CADM2: variants seen among roughly 807,000 people sequenced by gnomAD.
The protein encoded by CADM2 is cell adhesion molecule 2, also known as immunoglobulin superfamily member 4D.
Under a neutral mutation model 49.8 loss-of-function variants are expected in CADM2, and 12 were observed. The observed-to-expected ratio is 0.24, with a 90% CI of 0.15 to 0.39. The LOEUF is 0.39. Ranked by LOEUF, CADM2 falls within the 10% of genes least tolerant of loss-of-function variation. The pLI is 1.00. For missense variants in CADM2, 378 were observed against 492.3 expected (o/e 0.77, Z 2.20); for synonymous variants, 214 against 175.4 (o/e 1.22, Z -1.74).
chr3:85,805,906 AC>A (rs1180539288), intron 3 of CADM2, among the ~76,000 whole-genome samples: 1 of 152,070 alleles, frequency 6.6e-6, no homozygotes, highest in Non-Finnish European at 1.5e-5. Context: ...CTATAGCCTC[AC>A]TCTTCTTTCT....
chr3:85,867,208 C>T (rs964240883), intron 3 of CADM2, among the ~76,000 whole-genome samples: 1 of 151,946 alleles, frequency 6.6e-6, no homozygotes, highest in African/African-American at 2.4e-5. Context: ...GTCTACTTGC[C>T]GTCAATCACC....
intron 2 of CADM2, among the ~76,000 whole-genome samples, chr3:85,767,630 C>T (rs2069724150): frequency 6.6e-6 from 1 of 152,102 alleles, no homozygotes; most frequent in South Asian, 2.1e-4. Flanking sequence ...GTGCTGCCAC[C>T]TCCAACCACG....
chr3:85,528,803 G>A (rs1201422724), intron 1 of CADM2, among the ~76,000 whole-genome samples: 1 of 152,124 alleles, frequency 6.6e-6, no homozygotes, highest in Non-Finnish European at 1.5e-5. Flanking sequence ...CACTACTAGT[G>A]TTGTTTATTT....
chr3:85,325,717 A>G (rs993268242), intron 1 of CADM2, among the ~76,000 whole-genome samples: 1 of 150,880 alleles, frequency 6.6e-6, no homozygotes, highest in Non-Finnish European at 1.5e-5. Flanking sequence ...AAGTGTGAAT[A>G]GTGGATGTCT....
chr3:85,702,469 T>G lies in CADM2; in HGVS notation c.62-24053T>G, dbSNP rs189139378. Reference sequence around the variant, plus strand: ...TCAACATGAACCCTCATATTTTCATTACCTTGCTATTATTATCAACTCATT... The same window carrying G: ...TCAACATGAACCCTCATATTTTCATGACCTTGCTATTATTATCAACTCATT... On this transcript the variant is annotated intron_variant, in intron 1 of 9. Coordinates refer to ENST00000383699, the MANE Select transcript of CADM2 (RefSeq NM_001167675.2). Among the ~76,000 whole-genome samples the G allele has an allele frequency of 2.2e-3, 339 of 152,280 alleles. 1 individual carries two copies. The highest frequency in any genetic ancestry group is 7.8e-3 in the African/African-American group (325 of 41,556).
chr3:85,885,363 C>T (rs912560555), intron 4 of CADM2, among the ~76,000 whole-genome samples: 13 of 144,822 alleles, frequency 9.0e-5, no homozygotes, highest in African/African-American at 3.1e-4. Context: ...ATGAGGAAAC[C>T]CCATCTCTAC....
At chr3:85,937,371 G>C (rs1460402275) in intron 7 of CADM2, among the ~76,000 whole-genome samples, 5 of 151,734 alleles carry the variant, frequency 3.3e-5, no homozygotes, top group Admixed American at 2.0e-4. Flanking sequence ...TTCTCAGAAG[G>C]ATCCTGATTA....
At chr3:85,592,301 G>C (rs2063128478) in intron 1 of CADM2, among the ~76,000 whole-genome samples, 1 of 151,856 alleles carries the variant, frequency 6.6e-6, no homozygotes, top group Non-Finnish European at 1.5e-5. Flanking sequence ...GAATTTGATA[G>C]ACTGAAGATG....
At chr3:85,336,755 C>T (rs566594058) in intron 1 of CADM2, among the ~76,000 whole-genome samples, 244 of 149,408 alleles carry the variant, frequency 1.6e-3, no homozygotes, top group African/African-American at 5.4e-3. Context: ...ATAAAAATTT[C>T]GTATATGAAA....
intron 3 of CADM2, among the ~76,000 whole-genome samples, chr3:85,829,719 C>T (rs1487496006): frequency 6.6e-6 from 1 of 151,920 alleles, no homozygotes; most frequent in African/African-American, 2.4e-5. Flanking sequence ...TCTCTCTGCT[C>T]CTCTGAGTTC....
At chr3:85,488,009 G>A (rs1338932982) in intron 1 of CADM2, among the ~76,000 whole-genome samples, 2 of 151,912 alleles carry the variant, frequency 1.3e-5, no homozygotes, top group African/African-American at 2.4e-5. Context: ...TTTGTATTTA[G>A]AAAGATATTA....
At chr3:85,281,356 T>G (rs2043494791) in intron 1 of CADM2, among the ~76,000 whole-genome samples, 1 of 152,036 alleles carries the variant, frequency 6.6e-6, no homozygotes, top group Non-Finnish European at 1.5e-5. Flanking sequence ...TTTTAAATTT[T>G]GGGCAGATTA....
chr3:86,023,452 G>A (rs566539911), intron 8 of CADM2, among the ~76,000 whole-genome samples: 1 of 151,900 alleles, frequency 6.6e-6, no homozygotes, highest in Non-Finnish European at 1.5e-5. Flanking sequence ...TCCACCTCCC[G>A]GGTTCAAGCA....
At chr3:85,267,580 T>G (rs1420849815) in intron 1 of CADM2, among the ~76,000 whole-genome samples, 1 of 151,676 alleles carries the variant, frequency 6.6e-6, no homozygotes, top group Non-Finnish European at 1.5e-5. Context: ...TTATCTTCCT[T>G]TCACAAAATA....
intron 8 of CADM2, among the ~76,000 whole-genome samples, chr3:86,046,899 A>C (rs937432236): frequency 6.6e-6 from 1 of 151,748 alleles, no homozygotes; most frequent in African/African-American, 2.4e-5. Context: ...AATTTTTCAC[A>C]AAAAAATTTC....
intron 5 of CADM2, among the ~76,000 whole-genome samples, chr3:85,903,131 G>T (rs1716338620): frequency 6.6e-6 from 1 of 151,294 alleles, no homozygotes; most frequent in African/African-American, 2.4e-5. Flanking sequence ...CAAATATATT[G>T]CATTTTCTTG....
At chr3:85,224,116 C>T (rs2042099469) in intron 1 of CADM2, among the ~76,000 whole-genome samples, 1 of 152,054 alleles carries the variant, frequency 6.6e-6, no homozygotes, top group South Asian at 2.1e-4. Flanking sequence ...TGGGTATATA[C>T]CCAATAGTGT....
chr3:85,415,329 A>G (rs1029676166), intron 1 of CADM2, among the ~76,000 whole-genome samples: 4 of 151,904 alleles, frequency 2.6e-5, no homozygotes, highest in African/African-American at 7.2e-5. Context: ...CTGATCAAAG[A>G]AGTCTAAGTG....
intron 1 of CADM2, among the ~76,000 whole-genome samples, chr3:85,203,878 T>A (rs2041568583): frequency 6.6e-6 from 1 of 152,228 alleles, no homozygotes; most frequent in South Asian, 2.1e-4. Flanking sequence ...AAAAATCTTT[T>A]ATTGCCCATT....
Sources: gnomAD v4.1 joint callset for allele counts (sites outside exome capture counted in the v4.1 genomes callset) on GRCh38, gnomAD v4.1.1 for gene constraint, MANE v1.5 for transcripts, NCBI Gene and HGNC (gene_info 2026-07-23, HGNC 2026-07-21) for gene names.